The following NLGN1 variants were observed in gnomAD, a reference collection of about 807,000 sequenced individuals.
The protein encoded by NLGN1 is neuroligin-1.
A neutral mutation model predicts 65.5 loss-of-function variants in NLGN1; 12 were observed. The observed-to-expected ratio is 0.18, with a 90% CI of 0.12 to 0.30. The LOEUF (loss-of-function observed/expected upper bound fraction) is 0.30. NLGN1 is among the 10% of genes least tolerant of loss of function. NLGN1 has a pLI of 1.00. For synonymous variants in NLGN1, 350 were observed against 359.5 expected (o/e 0.97, Z 0.30); for missense variants, 750 against 1,007.1 (o/e 0.74, Z 3.46).
chr3:173,527,301 C>G (rs1735807998), intron 2 of NLGN1, among the ~76,000 whole-genome samples: 1 of 152,204 alleles, frequency 6.6e-6, no homozygotes, highest in Admixed American at 6.5e-5. Context: ...TTGCATTTCT[C>G]TGATGATCAG....
intron 4 of NLGN1, among the ~76,000 whole-genome samples, chr3:174,163,169 A>G (rs1726877555): frequency 2.6e-5 from 4 of 151,994 alleles, no homozygotes; most frequent in South Asian, 2.1e-4. Context: ...TCTTTTTTCT[A>G]GGTAGAATCG....
intron 4 of NLGN1, among the ~76,000 whole-genome samples, chr3:174,080,451 G>A (rs1741926179): frequency 6.6e-6 from 1 of 152,208 alleles, no homozygotes; most frequent in South Asian, 2.1e-4. Flanking sequence ...GAGATCAAGT[G>A]CGTCATTTGA....
rs190726375 is a variant in NLGN1 at position 173,499,965 on chromosome 3, G to T, written c.-321+64887G>T. 1.1e-3 allele frequency among the ~76,000 whole-genome samples: 172 copies of T among 152,006 alleles called. 1 individual carries two copies. The South Asian group carries it at 0.012, about 10-fold the overall frequency. ...TTAAGATTTTGGGCTGAGAAATGGG[G>T]TTTTCTAGATATACAATCATGTCAT... On this transcript the variant is annotated intron_variant, in intron 2 of 6. Transcript: ENST00000457714.
intron 3 of NLGN1, among the ~76,000 whole-genome samples, chr3:173,609,981 AAG>A (rs555424947): frequency 6.6e-6 from 1 of 151,874 alleles, no homozygotes. Context: ...AAAGGGGGAA[AAG>A]AGAGAGAGAC....
At chr3:173,959,060 C>T (rs566397349) in intron 4 of NLGN1, among the ~76,000 whole-genome samples, 3 of 152,332 alleles carry the variant, frequency 2.0e-5, no homozygotes, top group Admixed American at 2.0e-4. Context: ...GGGGCACCTT[C>T]CCAGGCCCTC....
At chr3:174,251,998 AC>A (rs1294503538) in intron 4 of NLGN1, among the ~76,000 whole-genome samples, 3 of 152,174 alleles carry the variant, frequency 2.0e-5, no homozygotes, top group African/African-American at 7.2e-5. Context: ...TTATAACAAA[AC>A]CTTTTTTTCT....
rs764741769 is a variant in NLGN1, at chr3:173,789,847, A to T, written c.494-17833A>T. On this transcript the variant is annotated intron_variant, in intron 3 of 6. Coordinates refer to ENST00000457714, the Ensembl canonical transcript of NLGN1. ...TATTTGAATAGAACACATTTTCTAT[A>T]TTTTTCCCAACTGCCTCACCTCCAT... 3.9e-6 allele frequency: 2 copies of T among 511,974 alleles called. 1 individual carries two copies. Among genetic ancestry groups the T allele is most frequent in the South Asian group, 2.9e-5 (2 of 70,102 alleles). 31.7% of individuals were successfully genotyped at this position (511,974 alleles called of 1,614,324 possible).
intron 4 of NLGN1, among the ~76,000 whole-genome samples, chr3:173,836,127 C>T (rs1322831417): frequency 1.3e-5 from 2 of 152,056 alleles, no homozygotes; most frequent in Non-Finnish European, 2.9e-5. Flanking sequence ...TAAGATGAAT[C>T]TGTAACATAA....
At chr3:174,147,419 CTTTTTTTTTTTTTT>C (rs574298501) in intron 4 of NLGN1, among the ~76,000 whole-genome samples, 3 of 36,260 alleles carry the variant, frequency 8.3e-5, no homozygotes, top group East Asian at 1.4e-3. Flanking sequence ...TGGCTCATGG[CTTTTTTTTTTTTTT>C]TTTTTTTTTT....
intron 2 of NLGN1, among the ~76,000 whole-genome samples, chr3:173,538,442 AG>A (rs1325584602): frequency 1.3e-5 from 2 of 152,236 alleles, no homozygotes; most frequent in African/African-American, 4.8e-5. Flanking sequence ...ACAGTGAATA[AG>A]GCATTGTGTA....
the NLGN1 span, among the ~76,000 whole-genome samples, chr3:174,293,069 A>T: frequency 6.6e-6 from 1 of 151,610 alleles, no homozygotes; most frequent in African/African-American, 2.4e-5. Flanking sequence ...GTAGATTTTT[A>T]AAAACTTACA....
chr3:173,618,165 G>T (rs1022760222), intron 3 of NLGN1, among the ~76,000 whole-genome samples: 3 of 151,904 alleles, frequency 2.0e-5, no homozygotes, highest in African/African-American at 7.3e-5. Context: ...AAACATATAC[G>T]TGAATTCAGT....
chr3:174,259,695 T>A (rs75850383), intron 4 of NLGN1, among the ~76,000 whole-genome samples: 16 of 151,672 alleles, frequency 1.1e-4, no homozygotes, highest in South Asian at 8.3e-4. Flanking sequence ...CTTTTTTTTT[T>A]AATTATACTT....
chr3:173,893,694 G>A (rs1017555779), intron 4 of NLGN1, among the ~76,000 whole-genome samples: 5 of 152,038 alleles, frequency 3.3e-5, no homozygotes, highest in African/African-American at 1.2e-4. Context: ...ATTATTGCAT[G>A]GGCTCCTAAC....
At chr3:173,991,500 A>G (rs1203973224) in intron 4 of NLGN1, among the ~76,000 whole-genome samples, 1 of 152,170 alleles carries the variant, frequency 6.6e-6, no homozygotes, top group African/African-American at 2.4e-5. Context: ...GTCGAATAGA[A>G]TGTTACTAGC....
In NLGN1 at chr3:173,539,657, G is replaced by GTATATATGTACATATATAACATACATATA. The variant is rs1362050556; in HGVS notation, c.-320-64621_-320-64620insATATATGTACATATATAACATACATATAT. Among the ~76,000 whole-genome samples, 36 of 124,276 alleles carry GTATATATGTACATATATAACATACATATA rather than the reference G, an allele frequency of 2.9e-4. 1 individual carries two copies. In the South Asian group the frequency reaches 3.1e-3, roughly 11 times the overall value. The allele number at this position is 124,276 out of a possible 152,430, so 81.5% of individuals were successfully genotyped here. A position where few individuals can be genotyped will look rare whatever the true frequency, so the allele number is the denominator to read the frequency against. ...ACACATATATACATATATAACATAT[G>GTATATATGTACATATATAACATACATATA]TGTATATATGCACATATATAACATA... On this transcript the variant is annotated intron_variant, in intron 2 of 6. Transcript: ENST00000457714.
At chr3:174,199,599 A>C (rs1402778010) in intron 4 of NLGN1, among the ~76,000 whole-genome samples, 1 of 152,018 alleles carries the variant, frequency 6.6e-6, no homozygotes, top group Non-Finnish European at 1.5e-5. Flanking sequence ...AATGAATACG[A>C]TGATTAGATA....
intron 3 of NLGN1, among the ~76,000 whole-genome samples, chr3:173,718,829 TAAACATACCAG>T (rs754570636): frequency 1.9e-4 from 29 of 152,214 alleles, no homozygotes; most frequent in Non-Finnish European, 3.7e-4. Context: ...AAAATGTTTA[TAAACATACCAG>T]AAACTTTCCT....
chr3:173,418,460 C>T (rs923664953), intron 1 of NLGN1, among the ~76,000 whole-genome samples: 1 of 152,006 alleles, frequency 6.6e-6, no homozygotes, highest in Non-Finnish European at 1.5e-5. Flanking sequence ...GGTCATAGCC[C>T]AGTGAAATGT....
Sources: allele counts gnomAD v4.1 joint callset (sites outside exome capture counted in the v4.1 genomes callset), GRCh38; gene constraint gnomAD v4.1.1; transcripts MANE v1.5; gene names NCBI Gene and HGNC (gene_info 2026-07-23, HGNC 2026-07-21).